The following DDX50 variants were observed in gnomAD, a reference collection of about 807,000 sequenced individuals.
The protein encoded by DDX50 is DExD-box helicase 50.
In DDX50, 56 loss-of-function variants were observed where a neutral mutation model predicts 94.8. The observed-to-expected ratio is 0.59, with a 90% CI of 0.48 to 0.74. The LOEUF (loss-of-function observed/expected upper bound fraction) is 0.74. DDX50 is among the 30% of genes least tolerant of loss of function. DDX50 has a pLI of 0.00. For missense variants in DDX50, 713 were observed against 881.2 expected (o/e 0.81, Z 2.42); for synonymous variants, 264 against 295.4 (o/e 0.89, Z 1.09).
At chr10:68,911,345 G>C in intron 4 of DDX50, 99 bp downstream of exon 4, 1 of 1,294,428 alleles carries the variant, frequency 7.7e-7, no homozygotes, top group African/African-American at 1.5e-5. Flanking sequence ...AAATAGAAAA[G>C]TTAGCGCTGT....
At position 68,946,505 on chromosome 10, in the gene DDX50, T is replaced by C. The variant is rs754327091; in HGVS notation, c.2089T>C (p.Ser697Pro). 1.2e-6 allele frequency: 2 copies of C among 1,614,042 alleles called. No individual in the cohort carries two copies. The highest frequency in any genetic ancestry group is 2.7e-5 in the African/African-American group (2 of 74,914). Residue 697 changes from serine (S) to proline (P), a missense_variant, in exon 15 of 15, where the codon TCT (serine) becomes CCT (proline). Coordinates refer to ENST00000373585, the MANE Select transcript of DDX50 (RefSeq NM_024045.2). The part of the protein sequence containing the change: ...SGRSGRSGGR[S>P]GGRSGRQSRQ... ...CCGGTCAGGCCGGTCAGGTGGTCGA[T>C]CTGGCGGCCGGTCAGGTAGACAGAG...
At chr10:68,946,302 T>G (rs1174676689) in intron 14 of DDX50, 50 bp from the exon 15 acceptor site, 26 of 1,543,116 alleles carry the variant, frequency 1.7e-5, no homozygotes, top group Non-Finnish European at 2.0e-5. Flanking sequence ...ACATGTTTGC[T>G]TATGGTTTCT....
intron 6 of DDX50, 22 bp from the exon 7 acceptor site, chr10:68,914,037 G>T: frequency 6.4e-7 from 1 of 1,554,192 alleles, no homozygotes; most frequent in South Asian, 1.2e-5. Flanking sequence ...GAAAACATTT[G>T]AATTCTTTTT....
intron 8 of DDX50, among the ~76,000 whole-genome samples, chr10:68,925,826 C>T (rs1842067194): frequency 6.6e-6 from 1 of 151,962 alleles, no homozygotes; most frequent in Non-Finnish European, 1.5e-5. Context: ...CCACCCTGTG[C>T]AACATGGTGA....
Position 68,936,997 on chromosome 10 carries a change from A to G in DDX50, c.1657A>G (p.Ile553Val), listed in dbSNP as rs1182774679. 1 of 1,612,144 alleles carries G rather than the reference A, an allele frequency of 6.2e-7. No individual in the cohort carries two copies. The highest frequency in any genetic ancestry group is 8.5e-7 in the Non-Finnish European group (1 of 1,179,864). Residue 553 changes from isoleucine to valine, a missense_variant, in exon 12 of 15, where the codon ATA becomes GTA. By Grantham distance (29) the Ile-to-Val change is conservative. This residue lies in a region of DDX50 where 428 missense variants were observed against 602.3 expected (regional missense o/e 0.71). Coordinates refer to ENST00000373585, the MANE Select transcript of DDX50 (RefSeq NM_024045.2). Reference protein sequence around the residue: ...DFFRPSAQRLIEEKGAVDALA... With the variant: ...DFFRPSAQRLVEEKGAVDALA... Reference sequence around the variant, plus strand: ...TTTCCGACCATCAGCTCAGAGACTGATAGAAGAGAAAGGTGCAGTGGATGC... The same window carrying G: ...TTTCCGACCATCAGCTCAGAGACTGGTAGAAGAGAAAGGTGCAGTGGATGC...
chr10:68,906,166 A>C (rs1841438674), intron 1 of DDX50: 1 of 152,548 alleles, frequency 6.6e-6, no homozygotes, highest in Non-Finnish European at 1.5e-5. Context: ...TTTGCCATCA[A>C]ATGAGTTCAG....
intron 8 of DDX50, among the ~76,000 whole-genome samples, chr10:68,923,149 G>T: frequency 1.4e-5 from 2 of 141,066 alleles, no homozygotes; most frequent in African/African-American, 2.6e-5. Context: ...TTGTGTGTGT[G>T]TATATATACA....
rs1842435862 is a variant in DDX50 at position 68,936,939 on chromosome 10, T to C, written c.1599T>C (p.Ser533=). 6.2e-7 allele frequency: 1 copy of C among 1,602,060 alleles called. No individual in the cohort carries two copies. The highest frequency in any genetic ancestry group is 8.5e-7 in the Non-Finnish European group (1 of 1,173,200). ...GAATACTATTTTTAAACCATAGGTC[T>C]CTGGCTTCCGTTTCTTACGCTGCTG... ...VKSKSMDAIR[S]LASVSYAAVD... Residue 533 remains serine, a synonymous_variant, in exon 12 of 15, where the codon TCT becomes TCC. Transcript: ENST00000373585.
At chr10:68,902,283 A>G (rs1005751378) in intron 1 of DDX50, among the ~76,000 whole-genome samples, 5 of 152,032 alleles carry the variant, frequency 3.3e-5, no homozygotes, top group Non-Finnish European at 7.4e-5. Context: ...TAAAATTATT[A>G]CTGGAGACAT....
In DDX50 at chr10:68,911,147, A is replaced by G. The variant is rs768508097; in HGVS notation, c.540A>G (p.Gln180=). The change falls in exon 4 of 15, where the codon CAA becomes CAG. Residue 180 remains glutamine (Q), a synonymous_variant. Transcript: ENST00000373585. Reference sequence around the variant, plus strand: ...ATGAAGGAAAAGATTTAATAGCTCAAGCACGGACAGGAACAGGAAAGACAT... The same window carrying G: ...ATGAAGGAAAAGATTTAATAGCTCAGGCACGGACAGGAACAGGAAAGACAT... The part of the protein sequence containing the change: ...PVYEGKDLIA[Q]ARTGTGKTFS... 2.5e-6 allele frequency: 4 copies of G among 1,613,052 alleles called. No individual in the cohort carries two copies. The highest frequency in any genetic ancestry group is 3.4e-6 in the Non-Finnish European group (4 of 1,179,560).
chr10:68,946,370 G>A lies in DDX50; in HGVS notation c.1954G>A (p.Asp652Asn), dbSNP rs144659191. The A allele has an allele frequency of 1.0e-4, 168 of 1,612,070 alleles. No homozygotes were observed. The African/African-American group carries it at 2.0e-3, about 19-fold the overall frequency. Residue 652 changes from aspartate (D) to asparagine (N), a missense_variant, in exon 15 of 15, where the codon GAC becomes AAC. This residue lies in a region of DDX50 where 428 missense variants were observed against 602.3 expected (regional missense o/e 0.71). Transcript: ENST00000373585. Reference protein sequence around the residue: ...ERLQAEWHDSDWILSVPAKLP... With the variant: ...ERLQAEWHDSNWILSVPAKLP... ...CTAACAGGCAGAGTGGCATGATTCC[G>A]ACTGGATACTCTCAGTGCCAGCCAA...
intron 7 of DDX50, among the ~76,000 whole-genome samples, chr10:68,918,472 G>C (rs1589256480): frequency 1.1e-5 from 1 of 93,970 alleles, no homozygotes; most frequent in African/African-American, 4.3e-5. Context: ...GTTTAGCTCT[G>C]TTGCCCAGGC....
chr10:68,913,851 TCA>T (rs1287361694), intron 6 of DDX50, among the ~76,000 whole-genome samples: 1 of 152,234 alleles, frequency 6.6e-6, no homozygotes, highest in Non-Finnish European at 1.5e-5. Context: ...GCTTAAATTC[TCA>T]CTTTCCTTTT....
At chr10:68,906,585 A>C in intron 1 of DDX50, 126 bp from the exon 2 acceptor site, 1 of 1,005,232 alleles carries the variant, frequency 9.9e-7, no homozygotes, top group Non-Finnish European at 1.5e-6. Context: ...CTGGATTTCT[A>C]CCAGGCAGGT....
chr10:68,922,715 G>A (rs903757544), intron 8 of DDX50, among the ~76,000 whole-genome samples: 1 of 151,910 alleles, frequency 6.6e-6, no homozygotes, highest in African/African-American at 2.4e-5. Flanking sequence ...ACTTCATGAG[G>A]CCAGGAGCTA....
chr10:68,903,313 C>G (rs1841342846), intron 1 of DDX50, among the ~76,000 whole-genome samples: 1 of 151,626 alleles, frequency 6.6e-6, no homozygotes, highest in Non-Finnish European at 1.5e-5. Flanking sequence ...AGGCAGATCA[C>G]CTGAGGTCAG....
At chr10:68,914,226 T>C (rs1841718203) in intron 7 of DDX50, 22 bp downstream of exon 7, 1 of 1,602,852 alleles carries the variant, frequency 6.2e-7, no homozygotes, top group Non-Finnish European at 8.5e-7. Flanking sequence ...TCTAGCATGA[T>C]AGATTTTAGC....
At position 68,910,307 on chromosome 10, in the gene DDX50, A is replaced by G. The variant is rs1337923737; in HGVS notation, c.385A>G (p.Thr129Ala). The change falls in exon 3 of 15, where the codon ACC (threonine) becomes GCC (alanine). Residue 129 changes from threonine to alanine, a missense_variant and splice_region_variant. Around this residue, in one of 2 missense-constraint regions of DDX50, gnomAD observed 285 missense variants for 278.9 expected, o/e 1.02. Transcript: ENST00000373585. ...TAGGCCATTGATTTCATTTTTACAGACCTTAACACGTGAACAGAAAGAAGG... is the reference window on the plus strand; with the variant it reads ...TAGGCCATTGATTTCATTTTTACAGGCCTTAACACGTGAACAGAAAGAAGG... ...HKSSDNKLEE[T>A]LTREQKEGAF... 1 of 1,597,510 alleles carries G rather than the reference A, an allele frequency of 6.3e-7. No individual in the cohort carries two copies. Among genetic ancestry groups the G allele is most frequent in the Non-Finnish European group, 8.5e-7 (1 of 1,175,226 alleles).
Position 68,914,199 on chromosome 10 carries a change from G to A in DDX50, c.1084G>A (p.Val362Met). The change falls in exon 7 of 15, where the codon GTG becomes ATG. Residue 362 changes from valine to methionine, a missense_variant. Physicochemically the swap from Val to Met is conservative, Grantham distance 21. Transcript: ENST00000373585. ...AATGACTCAAAAGGCTGCAACTACTGTGGAAGTAAGTAGCTTTCTAGCATG... is the reference window on the plus strand; with the variant it reads ...AATGACTCAAAAGGCTGCAACTACTATGGAAGTAAGTAGCTTTCTAGCATG... Reference protein sequence around the residue: ...GKMTQKAATTVEHLAIQCHWS... With the variant: ...GKMTQKAATTMEHLAIQCHWS... 1 of 1,609,636 alleles carries A rather than the reference G, an allele frequency of 6.2e-7. No homozygotes were observed. The highest frequency in any genetic ancestry group is 8.5e-7 in the Non-Finnish European group (1 of 1,178,780).
Sources: allele counts gnomAD v4.1 joint callset (sites outside exome capture counted in the v4.1 genomes callset), GRCh38; gene constraint gnomAD v4.1.1; regional missense constraint gnomAD v4.1.1; transcripts MANE v1.5; gene names NCBI Gene and HGNC (gene_info 2026-07-23, HGNC 2026-07-21).